Variants in CDH11 observed in about 807,000 individuals in gnomAD.
The protein encoded by CDH11 is cadherin 11.
Under a neutral mutation model 67.8 loss-of-function variants are expected in CDH11, and 11 were observed. The ratio of observed to expected loss-of-function variants is 0.16; its 90% CI spans 0.10 to 0.27. The LOEUF (loss-of-function observed/expected upper bound fraction) is 0.27. Ranked by LOEUF, CDH11 falls within the 10% of genes least tolerant of loss-of-function variation. The pLI is 1.00. For synonymous variants in CDH11, 419 were observed against 400.0 expected (o/e 1.05, Z -0.57); for missense variants, 847 against 1,031.2 (o/e 0.82, Z 2.45).
chr16:64,963,090 T>C (rs906164384), intron 11 of CDH11, among the ~76,000 whole-genome samples: 55 of 152,156 alleles, frequency 3.6e-4, no homozygotes, highest in African/African-American at 1.3e-3. Flanking sequence ...ATCCTACAAT[T>C]TGAAGAGACA....
chr16:64,966,158 T>C (rs1235180653), intron 11 of CDH11, among the ~76,000 whole-genome samples: 1 of 152,090 alleles, frequency 6.6e-6, no homozygotes, highest in African/African-American at 2.4e-5. Context: ...GTAAAGTAGC[T>C]AACCATAAAC....
chr16:65,112,132 G>A (rs919056223), intron 1 of CDH11, among the ~76,000 whole-genome samples: 2 of 151,082 alleles, frequency 1.3e-5, no homozygotes, highest in Non-Finnish European at 2.9e-5. Flanking sequence ...ATCCTGCATA[G>A]CATCATAGGC....
chr16:64,989,446 T>G (rs2072575135), intron 6 of CDH11, among the ~76,000 whole-genome samples: 1 of 152,158 alleles, frequency 6.6e-6, no homozygotes, highest in Non-Finnish European at 1.5e-5. Flanking sequence ...GAAGACATTC[T>G]TTAGAAAAAG....
At chr16:65,022,357 G>T (rs1326506050) in intron 2 of CDH11, among the ~76,000 whole-genome samples, 1 of 152,118 alleles carries the variant, frequency 6.6e-6, no homozygotes, top group Non-Finnish European at 1.5e-5. Context: ...AAAGATAGGT[G>T]GATCCAAATT....
chr16:65,052,098 T>C (rs2074065764), intron 2 of CDH11, among the ~76,000 whole-genome samples: 1 of 152,222 alleles, frequency 6.6e-6, no homozygotes, highest in East Asian at 1.9e-4. Flanking sequence ...GCTGTTATTA[T>C]GACTTTTCTC....
intron 2 of CDH11, among the ~76,000 whole-genome samples, chr16:65,009,275 TATA>T (rs1473779682): frequency 6.6e-6 from 1 of 152,134 alleles, no homozygotes; most frequent in Non-Finnish European, 1.5e-5. Context: ...AAAAGCATTT[TATA>T]TCAATGACCA....
chr16:64,983,383 G>A (rs902764352), intron 7 of CDH11, among the ~76,000 whole-genome samples: 3 of 152,142 alleles, frequency 2.0e-5, no homozygotes, highest in Admixed American at 6.5e-5. Context: ...GGCTGCCTGG[G>A]AAACAACTTT....
chr16:65,063,186 CAT>C (rs746905485), intron 1 of CDH11, among the ~76,000 whole-genome samples: 14 of 152,302 alleles, frequency 9.2e-5, no homozygotes, highest in African/African-American at 2.4e-4. Context: ...TTGTGAGTCA[CAT>C]GTGTGTGTGC....
At chr16:65,116,574 T>G (rs930583881) in intron 1 of CDH11, among the ~76,000 whole-genome samples, 1 of 152,210 alleles carries the variant, frequency 6.6e-6, no homozygotes, top group African/African-American at 2.4e-5. Context: ...TTTTTTCACC[T>G]GCAGCAACCA....
At chr16:65,059,746 C>T (rs747027951) in intron 1 of CDH11, 5 of 152,200 alleles carry the variant, frequency 3.3e-5, no homozygotes, top group African/African-American at 4.8e-5. Flanking sequence ...CAACAAAACA[C>T]GCCTTGTCCA....
Position 64,950,895 on chromosome 16 carries a change from G to T in CDH11, c.1766C>A (p.Thr589Asn). The T allele has an allele frequency of 6.2e-7, 1 of 1,614,236 alleles. No homozygotes were observed. The highest frequency in any genetic ancestry group is 8.5e-7 in the Non-Finnish European group (1 of 1,180,038). ...CACGTCGCACCCGCAGACTTTGATG[G>T]TGAGGGTGTTGGTGCTACTCATGGG... is the stretch of plus-strand genomic sequence containing the variant. ...IPPMSSTNTL[T>N]IKVCGCDVNG... is the part of the protein sequence containing the mutation. The change falls in exon 12 of 13, where the codon ACC becomes AAC. Residue 589 changes from threonine (T) to asparagine (N), a missense_variant. Coordinates refer to ENST00000268603, the MANE Select transcript of CDH11 (RefSeq NM_001797.4).
At chr16:65,075,112 A>T (rs2074486519) in intron 1 of CDH11, among the ~76,000 whole-genome samples, 1 of 152,192 alleles carries the variant, frequency 6.6e-6, no homozygotes, top group African/African-American at 2.4e-5. Context: ...TCGTCTGCTC[A>T]TCAGTCCACC....
chr16:65,021,966 C>T (rs1031835483), intron 2 of CDH11, among the ~76,000 whole-genome samples: 1 of 151,372 alleles, frequency 6.6e-6, no homozygotes, highest in Non-Finnish European at 1.5e-5. Flanking sequence ...GCAAAAGTCC[C>T]ATAAGAGTCA....
chr16:64,995,638 C>A (rs939351759), intron 4 of CDH11, among the ~76,000 whole-genome samples: 1 of 151,998 alleles, frequency 6.6e-6, no homozygotes, highest in Non-Finnish European at 1.5e-5. Context: ...ACTATAAATG[C>A]CCTAGAGAAA....
chr16:64,975,115 T>G (rs190310231), intron 8 of CDH11, among the ~76,000 whole-genome samples: 3 of 152,340 alleles, frequency 2.0e-5, no homozygotes, highest in East Asian at 3.9e-4. Flanking sequence ...AACTGGAATA[T>G]TAATAGTACC....
intron 4 of CDH11, among the ~76,000 whole-genome samples, chr16:64,996,092 T>C (rs1875006151): frequency 6.6e-6 from 1 of 152,110 alleles, no homozygotes. Context: ...AAAAATAACA[T>C]GCTGGTGAGG....
intron 1 of CDH11, among the ~76,000 whole-genome samples, chr16:65,108,091 C>T (rs1392234275): frequency 6.6e-6 from 1 of 152,116 alleles, no homozygotes; most frequent in African/African-American, 2.4e-5. Flanking sequence ...ACACTAGGCA[C>T]GTCTCTCTGT....
chr16:65,081,036 T>G (rs1311583687), intron 1 of CDH11, among the ~76,000 whole-genome samples: 1 of 152,208 alleles, frequency 6.6e-6, no homozygotes, highest in Non-Finnish European at 1.5e-5. Context: ...CTCAAATCAT[T>G]TGCTTTCATA....
intron 11 of CDH11, among the ~76,000 whole-genome samples, chr16:64,964,096 G>T (rs1184819624): frequency 6.6e-6 from 1 of 152,174 alleles, no homozygotes; most frequent in Non-Finnish European, 1.5e-5. Flanking sequence ...ACAATAATTT[G>T]TTCACAGTAA....
Sources: gnomAD v4.1 joint callset for allele counts (sites outside exome capture counted in the v4.1 genomes callset) on GRCh38, gnomAD v4.1.1 for gene constraint, MANE v1.5 for transcripts, NCBI Gene and HGNC (gene_info 2026-07-23, HGNC 2026-07-21) for gene names.